Variants in TRIM37 observed in about 807,000 individuals in gnomAD.
TRIM37 encodes tripartite motif containing 37.
Under a neutral mutation model 129.8 loss-of-function variants are expected in TRIM37, and 80 were observed. The ratio of observed to expected loss-of-function variants is 0.62; its 90% confidence interval spans 0.51 to 0.74. The LOEUF (loss-of-function observed/expected upper bound fraction) is 0.74. Among genes scored for constraint, TRIM37 ranks in the 30% least tolerant of loss-of-function variants. TRIM37 has a pLI of 0.00. For synonymous variants in TRIM37, 389 were observed against 387.1 expected, an observed-to-expected ratio of 1.00 and a Z score of -0.06; for missense variants, 1,054 against 1,176.5, an observed-to-expected ratio of 0.90 and a Z score of 1.52.
intron 23 of TRIM37, 93 bp downstream of exon 23, chr17:59,001,505 G>A (rs1010523440): frequency 6.5e-7 from 1 of 1,541,670 alleles, no homozygotes; most frequent in African/African-American, 1.4e-5. Flanking sequence ...CAGTAGAGCG[G>A]AAAAAGTAGA....
rs753399922 is a variant in TRIM37, at chr17:59,028,615, C to T, written c.2057G>A (p.Arg686Gln). The change falls in exon 19 of 24, where the codon CGA (arginine) becomes CAA (glutamine). Residue 686 changes from arginine (R) to glutamine (Q), a missense_variant. By Grantham distance (43) the Arg-to-Gln change is conservative (BLOSUM62 1). Around this residue, in one of 3 missense-constraint regions of TRIM37, gnomAD observed 752 missense variants for 870.8 expected, o/e 0.86. Coordinates refer to ENST00000262294, the MANE Select transcript of TRIM37 (RefSeq NM_015294.6). ...ATTCTTTACATCAGTTTTCATACAT[C>T]GAACTTCGGCCATTTGAGTTTTGAG... is the stretch of plus-strand genomic sequence containing the variant. The part of the protein sequence containing the change: ...KRLKTQMAEV[R>Q]CMKTDVKNTL... The T allele has an allele frequency of 6.8e-6, 11 of 1,614,098 alleles. No individual in the cohort carries two copies. Among genetic ancestry groups the T allele is most frequent in the Admixed American group, 6.7e-5 (4 of 60,000 alleles).
rs919357420 is a variant in TRIM37, at chr17:58,999,096, A to C, written c.*281T>G. 3 of 1,244,484 alleles carry C rather than the reference A, an allele frequency of 2.4e-6. No individual in the cohort carries two copies. Among genetic ancestry groups the C allele is most frequent in the Non-Finnish European group, 2.0e-6 (2 of 985,458 alleles). 77.1% of individuals were successfully genotyped at this position (1,244,484 alleles called of 1,614,324 possible). On this transcript the variant is annotated 3_prime_UTR_variant, in exon 24 of 24. Transcript: ENST00000262294. ...ACCAGCCTTCTGCTGTAGTAGACAA[A>C]CTGCCTTTTGTGAATGTACAAATTT... is the stretch of plus-strand genomic sequence containing the variant.
chr17:59,075,662 C>A lies in TRIM37; in HGVS notation c.669G>T (p.Gln223His), dbSNP rs1365438457. The A allele has an allele frequency of 6.2e-7, 1 of 1,609,842 alleles. No individual in the cohort carries two copies. The highest frequency in any genetic ancestry group is 2.2e-5 in the East Asian group (1 of 44,846). The change falls in exon 8 of 24, where the codon CAG becomes CAT. Residue 223 changes from glutamine (Q) to histidine (H), a missense_variant. Gln to His is a conservative substitution (Grantham distance 24). Transcript: ENST00000262294. ...QETELLESLLQEVEHQLRSCS... is the reference protein window; with the variant it reads ...QETELLESLLHEVEHQLRSCS... The stretch of plus-strand genomic sequence containing the variant: ...ATTTCATCACCTGGTGCTCCACCTC[C>A]TGAAGTAAGGATTCCAAAAGCTCTG...
chr17:59,016,159 T>G (rs1398729468), intron 20 of TRIM37, among the ~76,000 whole-genome samples: 1 of 151,924 alleles, frequency 6.6e-6, no homozygotes, highest in African/African-American at 2.4e-5. Context: ...TCTGGGAGGC[T>G]AAGGCGGATG....
chr17:59,047,663 TAG>T lies in TRIM37; in HGVS notation c.1667+18_1667+19del, dbSNP rs1362663069. 8 of 1,606,734 alleles carry T rather than the reference TAG, an allele frequency of 5.0e-6. No homozygotes were observed. The highest frequency in any genetic ancestry group is 6.8e-6 in the Non-Finnish European group (8 of 1,175,044). On this transcript the variant is annotated intron_variant, in intron 16 of 23. Coordinates refer to ENST00000262294, the MANE Select transcript of TRIM37 (RefSeq NM_015294.6). ...TAATTACCACTTAAATGCTTTACAG[TAG>T]TAAAGTGGGAAACTCACATAGTTTC...
chr17:59,044,812 A>C (rs2039606200), intron 16 of TRIM37, among the ~76,000 whole-genome samples: 1 of 152,192 alleles, frequency 6.6e-6, no homozygotes, highest in Admixed American at 6.5e-5. Context: ...GGGGTCCTAG[A>C]ACCAATACCG....
intron 24 of TRIM37, among the ~76,000 whole-genome samples, chr17:58,990,734 T>G (rs2032300896): frequency 7.1e-6 from 1 of 140,212 alleles, no homozygotes. Context: ...GAGGTTGCAG[T>G]GAGTCGAGAT....
rs61545184 is a variant in TRIM37, at chr17:59,009,443, CTTTTTTTT to C, written c.2695+2877_2695+2884del. Among the ~76,000 whole-genome samples, 403 of 107,604 alleles carry C rather than the reference CTTTTTTTT, an allele frequency of 3.7e-3. 2 individuals carry two copies. The highest frequency in any genetic ancestry group is 6.4e-3 in the Non-Finnish European group (321 of 50,536). The allele number at this position is 107,604 out of a possible 152,430, so 70.6% of individuals were successfully genotyped here. On this transcript the variant is annotated intron_variant, in intron 22 of 23. Transcript: ENST00000262294. ...CATGCCCAACCTTCCAATTTCTTTT[CTTTTTTTT>C]TTTTTTTTTTTGAGACGAAGTTTCA...
At chr17:58,973,242 C>T in the TRIM37 span, among the ~76,000 whole-genome samples, 1,732 of 151,154 alleles carry the variant, frequency 0.011, 14 homozygotes, top group Middle Eastern at 0.041. Flanking sequence ...ATAGTGAAAC[C>T]CCATCTCTAT....
chr17:59,042,371 T>C (rs1360767628), intron 16 of TRIM37, among the ~76,000 whole-genome samples: 2 of 112,394 alleles, frequency 1.8e-5, no homozygotes, highest in African/African-American at 7.1e-5. Flanking sequence ...CGAGACTCCA[T>C]CTCAAAAAAA....
At chr17:59,020,275 A>T (rs2036457289) in intron 19 of TRIM37, among the ~76,000 whole-genome samples, 2 of 150,496 alleles carry the variant, frequency 1.3e-5, no homozygotes, top group Admixed American at 6.6e-5. Context: ...TAACAAAGAC[A>T]AAAGCAGAAA....
chr17:59,041,339 G>C (rs2039132926), intron 17 of TRIM37, among the ~76,000 whole-genome samples: 1 of 152,134 alleles, frequency 6.6e-6, no homozygotes, highest in Non-Finnish European at 1.5e-5. Context: ...ACTATAAAAT[G>C]AGCTCTTTAA....
At chr17:59,097,899 G>A (rs2045062441) in intron 2 of TRIM37, among the ~76,000 whole-genome samples, 1 of 152,210 alleles carries the variant, frequency 6.6e-6, no homozygotes, top group South Asian at 2.1e-4. Flanking sequence ...CAGAATCAAT[G>A]TAATCCCTAC....
intron 16 of TRIM37, among the ~76,000 whole-genome samples, 200 bp from the exon 17 acceptor site, chr17:59,042,098 C>A (rs139415029): frequency 6.6e-6 from 1 of 151,862 alleles, no homozygotes; most frequent in Non-Finnish European, 1.5e-5. Context: ...AAATATCGGC[C>A]GGGCGCGGTG....
At chr17:59,077,098 T>G (rs1319354899) in intron 7 of TRIM37, among the ~76,000 whole-genome samples, 1 of 152,000 alleles carries the variant, frequency 6.6e-6, no homozygotes, top group Non-Finnish European at 1.5e-5. Flanking sequence ...TTTATTTATT[T>G]TTATTTATTT....
intron 13 of TRIM37, among the ~76,000 whole-genome samples, chr17:59,052,677 G>A (rs1053926988): frequency 2.0e-5 from 3 of 152,010 alleles, no homozygotes; most frequent in Non-Finnish European, 4.4e-5. Context: ...GAGATTGGCC[G>A]GGCACAGTGG....
rs748084737 is a variant in TRIM37, at chr17:59,106,485, G to A, written c.-24C>T. The A allele has an allele frequency of 1.9e-6, 3 of 1,613,040 alleles. No individual in the cohort carries two copies. In the African/African-American group the frequency reaches 4.0e-5, roughly 22 times the overall value. ...ATTGCCTCCGGCTCTCGGCGGGGCC[G>A]CTGGCGACCCGCAGGCTCCGCAGTC... On this transcript the variant is annotated 5_prime_UTR_variant, in exon 1 of 24. Transcript: ENST00000262294.
chr17:58,970,521 T>C, the TRIM37 span, among the ~76,000 whole-genome samples: 1 of 152,124 alleles, frequency 6.6e-6, no homozygotes, highest in Non-Finnish European at 1.5e-5. Context: ...CATTAACTCT[T>C]TTTAAAATGG....
At chr17:59,089,313 A>G (rs2044064457) in intron 3 of TRIM37, among the ~76,000 whole-genome samples, 2 of 152,130 alleles carry the variant, frequency 1.3e-5, no homozygotes, top group South Asian at 4.1e-4. Flanking sequence ...GATAGCCACT[A>G]GCCACATGTG....
Sources: allele counts gnomAD v4.1 joint callset (sites outside exome capture counted in the v4.1 genomes callset), GRCh38; gene constraint gnomAD v4.1.1; regional missense constraint gnomAD v4.1.1; transcripts MANE v1.5; gene names NCBI Gene and HGNC (gene_info 2026-07-23, HGNC 2026-07-21).